The following QRFPR variants were observed in gnomAD, a reference collection of about 807,000 sequenced individuals.
QRFPR encodes the protein pyroglutamylated RF-amide peptide receptor.
QRFPR carries 37 observed loss-of-function variants against 31.3 expected under a neutral mutation model. That is an observed-to-expected ratio of 1.18 (90% CI 0.91 to 1.56). The LOEUF is 1.56. Ranked by LOEUF, QRFPR falls within the 40% of genes most tolerant of loss-of-function variation. The pLI is 0.00. For missense variants in QRFPR, 542 were observed against 532.5 expected (o/e 1.02, Z -0.18); for synonymous variants, 197 against 192.0 (o/e 1.03, Z -0.22).
intron 1 of QRFPR, among the ~76,000 whole-genome samples, chr4:121,341,850 G>A (rs935208362): frequency 5.3e-5 from 8 of 152,066 alleles, no homozygotes; most frequent in African/African-American, 1.2e-4. Flanking sequence ...TCACAGCCCC[G>A]CTTCAGGTCT....
chr4:121,339,165 A>C (rs139736859), intron 2 of QRFPR, among the ~76,000 whole-genome samples: 194 of 152,342 alleles, frequency 1.3e-3, no homozygotes, highest in African/African-American at 4.4e-3. Context: ...ATACTGGCTA[A>C]ATTCTTACAG....
At chr4:121,376,745 G>A (rs758129167) in intron 1 of QRFPR, among the ~76,000 whole-genome samples, 3 of 152,170 alleles carry the variant, frequency 2.0e-5, no homozygotes, top group Non-Finnish European at 4.4e-5. Context: ...TTTGGGCTGG[G>A]GCTGGCGCAG....
chr4:121,337,645 T>C (rs1174857552), intron 2 of QRFPR, among the ~76,000 whole-genome samples: 1 of 151,996 alleles, frequency 6.6e-6, no homozygotes, highest in Non-Finnish European at 1.5e-5. Context: ...TTAAGCACCA[T>C]AACATGGGCA....
intron 1 of QRFPR, among the ~76,000 whole-genome samples, chr4:121,377,559 C>G (rs17051347): frequency 0.04 from 6,097 of 152,014 alleles, 184 homozygotes; most frequent in South Asian, 0.11. Flanking sequence ...TGGCACTGAC[C>G]CCTATTCCTA....
At chr4:121,357,043 G>A (rs978371361) in intron 1 of QRFPR, among the ~76,000 whole-genome samples, 1 of 152,114 alleles carries the variant, frequency 6.6e-6, no homozygotes, top group Non-Finnish European at 1.5e-5. Flanking sequence ...CTAATGCACA[G>A]GGTGTTTGTA....
In QRFPR at chr4:121,380,738, G is replaced by T. The variant is rs1017705692; in HGVS notation, c.-91C>A. 2 of 1,232,792 alleles carry T rather than the reference G, an allele frequency of 1.6e-6. No individual in the cohort carries two copies. The highest frequency in any genetic ancestry group is 1.5e-5 in the African/African-American group (1 of 65,402). 76.4% of individuals were successfully genotyped at this position (1,232,792 alleles called of 1,614,324 possible). On this transcript the variant is annotated 5_prime_UTR_variant, in exon 1 of 6. Coordinates refer to ENST00000394427, the MANE Select transcript of QRFPR (RefSeq NM_198179.3). ...AGCGAGGGCTTCGGGGGACCAGCCG[G>T]AGGCCGCCTCCCTTCCTCTACTCTG...
intron 1 of QRFPR, among the ~76,000 whole-genome samples, chr4:121,373,632 G>A (rs1726296058): frequency 6.6e-6 from 1 of 151,964 alleles, no homozygotes. Context: ...AAATATCATA[G>A]AAAAAAATTA....
At chr4:121,347,851 CTAATAT>C (rs1328401538) in intron 1 of QRFPR, among the ~76,000 whole-genome samples, 1 of 152,080 alleles carries the variant, frequency 6.6e-6, no homozygotes, top group Non-Finnish European at 1.5e-5. Flanking sequence ...TTTACCATGA[CTAATAT>C]TAACTACAAA....
rs188161709 is a variant in QRFPR, at chr4:121,344,984, T to C, written c.341-4374A>G. ...CTTGGGATATCCTTCTCTTTTTTCC[T>C]TACAGGATAATTAGATGTTAGTATC... On this transcript the variant is annotated intron_variant, in intron 1 of 5. Coordinates refer to ENST00000394427, the MANE Select transcript of QRFPR (RefSeq NM_198179.3). 1.8e-3 allele frequency among the ~76,000 whole-genome samples: 273 copies of C among 152,354 alleles called. 2 individuals are homozygous for C. Among genetic ancestry groups the C allele is most frequent in the Middle Eastern group, 6.8e-3 (2 of 294 alleles).
intron 1 of QRFPR, among the ~76,000 whole-genome samples, chr4:121,346,472 A>G (rs939942517): frequency 2.0e-5 from 3 of 152,202 alleles, no homozygotes; most frequent in Non-Finnish European, 2.9e-5. Context: ...CTACATAGAA[A>G]ATAATGTCAT....
At chr4:121,335,198 TA>T (rs1725408772) in intron 3 of QRFPR, among the ~76,000 whole-genome samples, 1 of 151,472 alleles carries the variant, frequency 6.6e-6, no homozygotes, top group African/African-American at 2.4e-5. Flanking sequence ...TTTTTAAACA[TA>T]TAAAAACACT....
chr4:121,354,457 T>G (rs940799191), intron 1 of QRFPR, among the ~76,000 whole-genome samples: 4 of 151,768 alleles, frequency 2.6e-5, no homozygotes, highest in Non-Finnish European at 5.9e-5. Context: ...TTTGGTGGAG[T>G]CTTTAGATAT....
At chr4:121,366,473 TTC>T (rs953419578) in intron 1 of QRFPR, among the ~76,000 whole-genome samples, 4 of 149,524 alleles carry the variant, frequency 2.7e-5, no homozygotes, top group African/African-American at 5.0e-5. Flanking sequence ...GGTGCTTCTA[TTC>T]TCTCTCTCTC....
chr4:121,363,531 C>A (rs1192536298), intron 1 of QRFPR, among the ~76,000 whole-genome samples: 1 of 149,702 alleles, frequency 6.7e-6, no homozygotes, highest in Non-Finnish European at 1.5e-5. Flanking sequence ...CCAATTGAAC[C>A]ATACTGGACC....
chr4:121,329,612 G>A lies in QRFPR; in HGVS notation c.998C>T (p.Ala333Val), dbSNP rs371353415. 1 of 1,612,496 alleles carries A rather than the reference G, an allele frequency of 6.2e-7. No individual in the cohort carries two copies. The highest frequency in any genetic ancestry group is 8.5e-7 in the Non-Finnish European group (1 of 1,179,122). Reference sequence around the variant, plus strand: ...TTTTTTGAAGTTTTCATTCATAAATGCATAGACAATGGGATTACAGATGGA... The same window carrying A: ...TTTTTTGAAGTTTTCATTCATAAATACATAGACAATGGGATTACAGATGGA... The part of the protein sequence containing the change: ...SNSICNPIVY[A>V]FMNENFKKNV... Residue 333 changes from alanine (A) to valine (V), a missense_variant, in exon 6 of 6, where the codon GCA becomes GTA. Ala to Val is a moderately conservative substitution (Grantham distance 64). Transcript: ENST00000394427.
intron 1 of QRFPR, among the ~76,000 whole-genome samples, chr4:121,351,235 G>A (rs750870814): frequency 6.6e-6 from 1 of 152,192 alleles, no homozygotes; most frequent in African/African-American, 2.4e-5. Context: ...CTTAGGATGA[G>A]TGGGTCTTGA....
At chr4:121,341,279 G>T (rs996416297) in intron 1 of QRFPR, among the ~76,000 whole-genome samples, 1 of 152,238 alleles carries the variant, frequency 6.6e-6, no homozygotes, top group East Asian at 1.9e-4. Context: ...ATTTGGATTT[G>T]TGAGTCTTGG....
chr4:121,374,319 T>C (rs1726310322), intron 1 of QRFPR, among the ~76,000 whole-genome samples: 1 of 152,232 alleles, frequency 6.6e-6, no homozygotes, highest in Middle Eastern at 3.2e-3. Context: ...ATTGCTATTT[T>C]TTAAATATAT....
At chr4:121,374,444 T>C (rs1726313826) in intron 1 of QRFPR, among the ~76,000 whole-genome samples, 1 of 152,244 alleles carries the variant, frequency 6.6e-6, no homozygotes, top group Non-Finnish European at 1.5e-5. Context: ...TGTCAGCATT[T>C]ACACTACATC....
Sources: allele counts gnomAD v4.1 joint callset (sites outside exome capture counted in the v4.1 genomes callset), GRCh38; gene constraint gnomAD v4.1.1; transcripts MANE v1.5; gene names NCBI Gene and HGNC (gene_info 2026-07-23, HGNC 2026-07-21).